Variants in VWA5B1 observed in about 807,000 individuals in gnomAD.
VWA5B1 encodes von Willebrand factor A domain-containing protein 5B1.
In VWA5B1, 115 loss-of-function variants were observed where a neutral mutation model predicts 118.2. The ratio of observed to expected loss-of-function variants is 0.97; its 90% CI spans 0.84 to 1.14. The LOEUF is 1.14. VWA5B1 is among the 50% of genes most tolerant of loss of function. The pLI is 0.00. For missense variants in VWA5B1, 1,596 were observed against 1,603.8 expected (o/e 1.00, Z 0.08); for synonymous variants, 682 against 658.4 (o/e 1.04, Z -0.55).
chr1:20,354,288 A>C lies in VWA5B1; in HGVS notation c.*25A>C. ...GTTGAGTGACGGGGAGGCTGGGTGGAGGGAAGGGTGGGGAGGAGAGGGATG... is the reference window on the plus strand; with the variant it reads ...GTTGAGTGACGGGGAGGCTGGGTGGCGGGAAGGGTGGGGAGGAGAGGGATG... On this transcript the variant is annotated 3_prime_UTR_variant, in exon 22 of 22. Transcript: ENST00000289815. 2.7e-6 allele frequency: 3 copies of C among 1,127,568 alleles called. No individual in the cohort carries two copies. The highest frequency in any genetic ancestry group is 3.7e-6 in the Non-Finnish European group (3 of 803,182). 69.8% of individuals were successfully genotyped at this position (1,127,568 alleles called of 1,614,324 possible).
chr1:20,332,188 G>A (rs2089573544), intron 11 of VWA5B1, among the ~76,000 whole-genome samples: 1 of 152,094 alleles, frequency 6.6e-6, no homozygotes, highest in African/African-American at 2.4e-5. Context: ...TTTATAAAAT[G>A]CTAAACTGGC....
At position 20,332,826 on chromosome 1, in the gene VWA5B1, A is replaced by C. The variant is rs199681702; in HGVS notation, c.1633A>C (p.Ile545Leu). ...CCTGAGCGATGTGACTGTGGAGTGG[A>C]TCTTCCCTGAGACCACTGAGGTCCT... ...PVLSDVTVEW[I>L]FPETTEVLVS... Residue 545 changes from isoleucine (I) to leucine (L), a missense_variant, in exon 12 of 22, where the codon ATC becomes CTC. Transcript: ENST00000289815. 1.3e-6 allele frequency: 2 copies of C among 1,551,766 alleles called. No individual in the cohort carries two copies. Among genetic ancestry groups the C allele is most frequent in the Admixed American group, 2.0e-5 (1 of 51,004 alleles).
rs116186649 is a variant in VWA5B1 at position 20,356,255 on chromosome 1, C to T, written c.*1992C>T. Reference sequence around the variant, plus strand: ...AGTCAGAACACCCAGACTCAGGTCTCAGCCTAGTACTAGTTTGGGCAAGTG... The same window carrying T: ...AGTCAGAACACCCAGACTCAGGTCTTAGCCTAGTACTAGTTTGGGCAAGTG... On this transcript the variant is annotated 3_prime_UTR_variant, in exon 22 of 22. Coordinates refer to ENST00000289815, the MANE Select transcript of VWA5B1 (RefSeq NM_001039500.3). Among the ~76,000 whole-genome samples the T allele has an allele frequency of 0.012, 1,828 of 152,312 alleles. 39 individuals carry two copies. The highest frequency in any genetic ancestry group is 0.042 in the African/African-American group (1,736 of 41,562).
chr1:20,305,787 A>G (rs943387576), intron 1 of VWA5B1, among the ~76,000 whole-genome samples: 1 of 151,820 alleles, frequency 6.6e-6, no homozygotes, highest in African/African-American at 2.4e-5. Context: ...GGTTTGGGCC[A>G]TGGTACATAA....
At chr1:20,341,129 C>A (rs1057053944) in intron 14 of VWA5B1, among the ~76,000 whole-genome samples, 9 of 152,166 alleles carry the variant, frequency 5.9e-5, no homozygotes, top group African/African-American at 1.4e-4. Context: ...AAAGATACTT[C>A]TTTATTTTCA....
rs970335749 is a variant in VWA5B1, at chr1:20,348,444, C to T, written c.2878+86C>T. 5 of 1,346,802 alleles carry T rather than the reference C, an allele frequency of 3.7e-6. No individual in the cohort carries two copies. In the East Asian group the frequency reaches 1.3e-4, roughly 34 times the overall value. 83.4% of individuals were successfully genotyped at this position (1,346,802 alleles called of 1,614,324 possible). On this transcript the variant is annotated intron_variant, in intron 18 of 21. Coordinates refer to ENST00000289815, the MANE Select transcript of VWA5B1 (RefSeq NM_001039500.3). Reference sequence around the variant, plus strand: ...GGTTACCGCGTCCTCCTGTCCGAGGCCCTAGGACCACTCTCTGAGTCTGCA... The same window carrying T: ...GGTTACCGCGTCCTCCTGTCCGAGGTCCTAGGACCACTCTCTGAGTCTGCA...
rs182071668 is a variant in VWA5B1 at position 20,322,861 on chromosome 1, A to G, written c.967-495A>G. Among the ~76,000 whole-genome samples, 5 of 152,316 alleles carry G rather than the reference A, an allele frequency of 3.3e-5. No homozygotes were observed. The East Asian group carries it at 9.7e-4, about 29-fold the overall frequency. ...GGGGAAGCCTTTCCAAACAGGTAGA[A>G]TTTGAAGAGTGAGTAGGAATTTAAC... is the stretch of plus-strand genomic sequence containing the variant. On this transcript the variant is annotated intron_variant, in intron 7 of 21. Transcript: ENST00000289815.
Position 20,328,533 on chromosome 1 carries a change from G to C in VWA5B1, c.1254+533G>C, listed in dbSNP as rs575980968. On this transcript the variant is annotated intron_variant, in intron 9 of 21. Transcript: ENST00000289815. ...CTACCCAGATCTAAGAAGAGGAAGA[G>C]AGGGAGGGAGGAAGGAAGGAAAGGA... 9.9e-5 allele frequency among the ~76,000 whole-genome samples: 15 copies of C among 152,236 alleles called. No homozygotes were observed. In the South Asian group the frequency reaches 3.1e-3, roughly 32 times the overall value.
At chr1:20,307,039 G>A (rs2088677192) in intron 1 of VWA5B1, among the ~76,000 whole-genome samples, 3 of 151,950 alleles carry the variant, frequency 2.0e-5, no homozygotes, top group Admixed American at 2.0e-4. Flanking sequence ...TCCCTTTCTG[G>A]TTTCTCTCAC....
In VWA5B1 at chr1:20,345,609, G is replaced by A. The variant is rs1336545557; in HGVS notation, c.2764+16G>A. 7 of 1,530,122 alleles carry A rather than the reference G, an allele frequency of 4.6e-6. No homozygotes were observed. Among genetic ancestry groups the A allele is most frequent in the East Asian group, 2.5e-5 (1 of 40,552 alleles). The allele number at this position is 1,530,122 out of a possible 1,614,324, so 94.8% of individuals were successfully genotyped here. ...CCCAACTCTGGTAAGGCAGGCGAGC[G>A]GCCGGGGGCACTCCTGGGGGCCAAG... On this transcript the variant is annotated intron_variant, in intron 17 of 21. Coordinates refer to ENST00000289815, the MANE Select transcript of VWA5B1 (RefSeq NM_001039500.3).
At chr1:20,352,992 T>C (rs573144187) in intron 21 of VWA5B1, among the ~76,000 whole-genome samples, 1 of 152,132 alleles carries the variant, frequency 6.6e-6, no homozygotes, top group South Asian at 2.1e-4. Context: ...GGAGTGGCAA[T>C]GGGAGAGGTC....
chr1:20,337,536 T>C, intron 13 of VWA5B1, 110 bp from the exon 14 acceptor site: 1 of 1,257,046 alleles, frequency 8.0e-7, no homozygotes, highest in Non-Finnish European at 1.1e-6. Context: ...TATATTTCAG[T>C]AGGCAAGAGG....
intron 1 of VWA5B1, among the ~76,000 whole-genome samples, chr1:20,308,937 C>T (rs2088755645): frequency 6.6e-6 from 1 of 152,202 alleles, no homozygotes. Context: ...GAAGCTTTGC[C>T]TGGCACCTAC....
In VWA5B1 at chr1:20,355,777, C is replaced by T. The variant is rs2090218380; in HGVS notation, c.*1514C>T. 6.6e-6 allele frequency among the ~76,000 whole-genome samples: 1 copy of T among 152,232 alleles called. No individual in the cohort carries two copies. The highest frequency in any genetic ancestry group is 2.4e-5 in the African/African-American group (1 of 41,468). On this transcript the variant is annotated 3_prime_UTR_variant, in exon 22 of 22. Transcript: ENST00000289815. ...GGCACAAGGGGAGAAAAAGCAGCCCCAACATGATATGGTGCCCTGCCCCCC... is the reference window on the plus strand; with the variant it reads ...GGCACAAGGGGAGAAAAAGCAGCCCTAACATGATATGGTGCCCTGCCCCCC...
chr1:20,318,395 C>T (rs1012887343), intron 5 of VWA5B1, 195 bp from the exon 6 acceptor site: 2 of 736,890 alleles, frequency 2.7e-6, no homozygotes, highest in Middle Eastern at 4.7e-4. Context: ...AGTCATCAGA[C>T]ACCATCTATC....
intron 1 of VWA5B1, 124 bp from the exon 2 acceptor site, chr1:20,310,452 A>G: frequency 1.0e-6 from 1 of 959,516 alleles, no homozygotes; most frequent in South Asian, 2.3e-5. Context: ...AGGAACTGGG[A>G]AGTTCTTGGG....
rs748480481 is a variant in VWA5B1 at position 20,317,592 on chromosome 1, C to T, written c.626C>T (p.Thr209Ile). 31 of 1,551,810 alleles carry T rather than the reference C, an allele frequency of 2.0e-5. No individual in the cohort carries two copies. In the South Asian group the frequency reaches 3.4e-4, roughly 17 times the overall value. Residue 209 changes from threonine to isoleucine, a missense_variant, in exon 5 of 22, where the codon ACT (threonine) becomes ATT (isoleucine). Thr to Ile is a moderately conservative substitution (Grantham distance 89). Transcript: ENST00000289815. ...PGSWNKLCLA[T>I]LLNTEVSNPM... ...TCCTGGAATAAGTTGTGCCTGGCGA[C>T]TCTCCTGAACACCGAAGTGTCCAAC...
chr1:20,324,190 A>T (rs2089306532), intron 8 of VWA5B1, among the ~76,000 whole-genome samples: 1 of 152,202 alleles, frequency 6.6e-6, no homozygotes, highest in Non-Finnish European at 1.5e-5. Flanking sequence ...CTGGAAAAAC[A>T]GCAGAATGTA....
chr1:20,353,748 C>A lies in VWA5B1; in HGVS notation c.3142-9C>A. On this transcript the variant is annotated splice_polypyrimidine_tract_variant and intron_variant, in intron 21 of 21. Transcript: ENST00000289815. Reference sequence around the variant, plus strand: ...TTGAGGCCCACTGAAGGGCTTCCCCCACACACAGGTGTCTCTGCAGCTGGC... The same window carrying A: ...TTGAGGCCCACTGAAGGGCTTCCCCAACACACAGGTGTCTCTGCAGCTGGC... 2 of 1,452,824 alleles carry A rather than the reference C, an allele frequency of 1.4e-6. No homozygotes were observed. The highest frequency in any genetic ancestry group is 1.8e-6 in the Non-Finnish European group (2 of 1,099,900). 90.0% of individuals were successfully genotyped at this position (1,452,824 alleles called of 1,614,324 possible).
Sources: gnomAD v4.1 joint callset for allele counts (sites outside exome capture counted in the v4.1 genomes callset) on GRCh38, gnomAD v4.1.1 for gene constraint, MANE v1.5 for transcripts, NCBI Gene and HGNC (gene_info 2026-07-23, HGNC 2026-07-21) for gene names.